The following FNDC3A variants were observed in gnomAD, a reference collection of about 807,000 sequenced individuals.
FNDC3A encodes the protein fibronectin type III domain containing 3A, also known as fibronectin type-III domain-containing protein 3A.
FNDC3A carries 32 observed loss-of-function variants against 148.9 expected under a neutral mutation model. The observed-to-expected ratio is 0.21, with a 90% CI of 0.16 to 0.29. FNDC3A has a LOEUF of 0.29. Ranked by LOEUF, FNDC3A falls within the 10% of genes least tolerant of loss-of-function variation. The pLI is 1.00. For missense variants in FNDC3A, 1,191 were observed against 1,452.8 expected (o/e 0.82, Z 2.93); for synonymous variants, 472 against 473.6 (o/e 1.00, Z 0.04).
intron 2 of FNDC3A, among the ~76,000 whole-genome samples, chr13:49,060,086 A>G (rs751361624): frequency 6.6e-6 from 1 of 152,236 alleles, no homozygotes; most frequent in Non-Finnish European, 1.5e-5. Flanking sequence ...GCCACAATGG[A>G]GAAGTTTGGT....
At position 49,207,690 on chromosome 13, in the gene FNDC3A, A is replaced by G; in HGVS notation, c.*295A>G. 1 of 273,226 alleles carries G rather than the reference A, an allele frequency of 3.7e-6. No individual in the cohort carries two copies. The highest frequency in any genetic ancestry group is 6.9e-6 in the Non-Finnish European group (1 of 143,968). The allele number at this position is 273,226 out of a possible 1,614,324, so 16.9% of individuals were successfully genotyped here. On this transcript the variant is annotated 3_prime_UTR_variant, in exon 26 of 26. Transcript: ENST00000492622. ...TAGAAAAACTTTCTAAGAGGCAACA[A>G]TTTAGAATGGATATTTTGACGAATC...
chr13:49,053,185 C>T (rs954835673), intron 2 of FNDC3A, among the ~76,000 whole-genome samples: 2 of 152,160 alleles, frequency 1.3e-5, no homozygotes, highest in Non-Finnish European at 2.9e-5. Flanking sequence ...CACAGTTTTT[C>T]GGCATTTTGG....
chr13:49,066,376 AGTT>A (rs1877260772), intron 2 of FNDC3A, among the ~76,000 whole-genome samples: 1 of 151,132 alleles, frequency 6.6e-6, no homozygotes, highest in African/African-American at 2.4e-5. Flanking sequence ...TCACCCTTAT[AGTT>A]CATTGCTAGA....
intron 4 of FNDC3A, among the ~76,000 whole-genome samples, chr13:49,122,967 T>C (rs1329126029): frequency 1.3e-5 from 2 of 152,146 alleles, no homozygotes; most frequent in Non-Finnish European, 2.9e-5. Context: ...CAAGCTACCA[T>C]TGATTTTCTT....
chr13:49,029,630 T>C (rs1473227679), intron 2 of FNDC3A, among the ~76,000 whole-genome samples: 1 of 152,164 alleles, frequency 6.6e-6, no homozygotes, highest in Non-Finnish European at 1.5e-5. Flanking sequence ...AAAAGTTGGC[T>C]CTTTGAAAAG....
chr13:49,063,250 A>G (rs951634500), intron 2 of FNDC3A, among the ~76,000 whole-genome samples: 8 of 152,202 alleles, frequency 5.3e-5, no homozygotes, highest in Non-Finnish European at 1.2e-4. Context: ...CAAATCTATA[A>G]CTCATTTTCT....
At chr13:49,133,770 TG>T (rs1249597160) in intron 5 of FNDC3A, among the ~76,000 whole-genome samples, 1 of 152,206 alleles carries the variant, frequency 6.6e-6, no homozygotes, top group African/African-American at 2.4e-5. Context: ...GGCTCAGAAA[TG>T]TTAAGTAATT....
At chr13:49,111,266 T>C (rs1474000713) in intron 3 of FNDC3A, among the ~76,000 whole-genome samples, 1 of 152,192 alleles carries the variant, frequency 6.6e-6, no homozygotes, top group Non-Finnish European at 1.5e-5. Context: ...TTCGCTACTA[T>C]AGACACAGGA....
At chr13:48,978,717 CA>C (rs1257869174) in intron 1 of FNDC3A, among the ~76,000 whole-genome samples, 2 of 151,948 alleles carry the variant, frequency 1.3e-5, no homozygotes, top group African/African-American at 2.4e-5. Flanking sequence ...AATAAACTCA[CA>C]ATATTGTAAT....
chr13:49,196,424 TAAAC>T (rs958754187), intron 19 of FNDC3A, among the ~76,000 whole-genome samples: 2 of 152,300 alleles, frequency 1.3e-5, no homozygotes, highest in Non-Finnish European at 2.9e-5. Flanking sequence ...TGTTACAAAA[TAAAC>T]AAATTTATAG....
chr13:49,128,350 A>G (rs1881828657), intron 4 of FNDC3A, among the ~76,000 whole-genome samples: 1 of 152,170 alleles, frequency 6.6e-6, no homozygotes, highest in Non-Finnish European at 1.5e-5. Context: ...AGCAGCCAGA[A>G]TAGTCCTGTC....
intron 2 of FNDC3A, among the ~76,000 whole-genome samples, chr13:49,063,768 C>T (rs1320896081): frequency 6.6e-6 from 1 of 152,108 alleles, no homozygotes; most frequent in African/African-American, 2.4e-5. Flanking sequence ...ATTTTACATG[C>T]CTCACATAGC....
intron 1 of FNDC3A, among the ~76,000 whole-genome samples, chr13:48,980,403 C>G (rs1316939993): frequency 1.3e-5 from 2 of 152,040 alleles, no homozygotes; most frequent in African/African-American, 2.4e-5. Flanking sequence ...AATAAAGGGA[C>G]AAGCAGTTGG....
At chr13:49,118,083 T>G (rs1375317649) in intron 4 of FNDC3A, among the ~76,000 whole-genome samples, 2 of 152,228 alleles carry the variant, frequency 1.3e-5, no homozygotes, top group Non-Finnish European at 2.9e-5. Flanking sequence ...CTCTAGAAAA[T>G]GTGTCGTTTT....
At chr13:49,151,607 G>A (rs960504164) in intron 8 of FNDC3A, among the ~76,000 whole-genome samples, 1 of 151,804 alleles carries the variant, frequency 6.6e-6, no homozygotes, top group Non-Finnish European at 1.5e-5. Flanking sequence ...TTAAGTTATA[G>A]GGTACATGTG....
At position 49,198,088 on chromosome 13, in the gene FNDC3A, A is replaced by G. The variant is rs1214658098; in HGVS notation, c.2597A>G (p.Glu866Gly). ...TGTCTTCAAGAAATAAGCGATGATGAGATAGAAAATCCCCATTATTCACCT... is the reference window on the plus strand; with the variant it reads ...TGTCTTCAAGAAATAAGCGATGATGGGATAGAAAATCCCCATTATTCACCT... Reference protein sequence around the residue: ...VTCLQEISDDEIENPHYSPST... With the variant: ...VTCLQEISDDGIENPHYSPST... Residue 866 changes from glutamate to glycine, a missense_variant, in exon 22 of 26, where the codon GAG becomes GGG. Physicochemically the swap from Glu to Gly is moderately conservative, Grantham distance 98 (BLOSUM62 -2). Around this residue, in one of 3 missense-constraint regions of FNDC3A, gnomAD observed 751 missense variants for 944.0 expected, o/e 0.80. Transcript: ENST00000492622. The G allele has an allele frequency of 6.2e-7, 1 of 1,614,170 alleles. No homozygotes were observed. Among genetic ancestry groups the G allele is most frequent in the South Asian group, 1.1e-5 (1 of 91,082 alleles).
chr13:49,013,255 C>T (rs750928805), intron 2 of FNDC3A, among the ~76,000 whole-genome samples: 3 of 152,068 alleles, frequency 2.0e-5, no homozygotes, highest in Non-Finnish European at 4.4e-5. Flanking sequence ...GTTGAGTCTG[C>T]AATAAGCTGT....
intron 3 of FNDC3A, among the ~76,000 whole-genome samples, chr13:49,094,932 A>G (rs1566246023): frequency 6.6e-6 from 1 of 152,094 alleles, no homozygotes; most frequent in Non-Finnish European, 1.5e-5. Context: ...TGTAATAAGA[A>G]AAAACATTAC....
At chr13:48,985,050 CGTT>C (rs1223420330) in intron 1 of FNDC3A, among the ~76,000 whole-genome samples, 1 of 152,052 alleles carries the variant, frequency 6.6e-6, no homozygotes, top group Non-Finnish European at 1.5e-5. Context: ...TTTAAAAACT[CGTT>C]GGAGTAGAGA....
Sources: allele counts gnomAD v4.1 joint callset (sites outside exome capture counted in the v4.1 genomes callset), GRCh38; gene constraint gnomAD v4.1.1; regional missense constraint gnomAD v4.1.1; transcripts MANE v1.5; gene names NCBI Gene and HGNC (gene_info 2026-07-23, HGNC 2026-07-21).